Variants in PTPRD observed in about 807,000 individuals in gnomAD.
The protein encoded by PTPRD is protein tyrosine phosphatase receptor type D.
A neutral mutation model predicts 214.5 loss-of-function variants in PTPRD; 34 were observed. The ratio of observed to expected loss-of-function variants is 0.16; its 90% CI spans 0.12 to 0.21. The LOEUF is 0.21. Among genes scored for constraint, PTPRD ranks in the 10% least tolerant of loss-of-function variants. The pLI, the probability that PTPRD is intolerant of heterozygous loss-of-function variation, is 1.00. For missense variants in PTPRD, 2,545 were observed against 2,398.7 expected, an observed-to-expected ratio of 1.06 and a Z score of -1.27; for synonymous variants, 1,128 against 845.7, an observed-to-expected ratio of 1.33 and a Z score of -5.79.
chr9:9,977,454 TAA>T (rs1266708582), intron 4 of PTPRD, among the ~76,000 whole-genome samples: 1 of 152,188 alleles, frequency 6.6e-6, no homozygotes, highest in Non-Finnish European at 1.5e-5. Context: ...GATCTATGTT[TAA>T]GTTTTTAATG....
chr9:10,421,396 C>T (rs548939417), intron 2 of PTPRD, among the ~76,000 whole-genome samples: 12 of 151,938 alleles, frequency 7.9e-5, no homozygotes, highest in South Asian at 6.2e-4. Flanking sequence ...AGCAAGGTTC[C>T]GTTGATGAAA....
chr9:8,590,708 T>A (rs1280637204), intron 14 of PTPRD, among the ~76,000 whole-genome samples: 1 of 152,142 alleles, frequency 6.6e-6, no homozygotes, highest in Non-Finnish European at 1.5e-5. Flanking sequence ...CACAAAGGCA[T>A]ATGGATAGTA....
intron 2 of PTPRD, among the ~76,000 whole-genome samples, chr9:10,546,744 C>T (rs1336393440): frequency 6.6e-6 from 1 of 151,906 alleles, no homozygotes; most frequent in East Asian, 1.9e-4. Flanking sequence ...AGGGTTCTAG[C>T]AACATATAAA....
intron 12 of PTPRD, among the ~76,000 whole-genome samples, chr9:8,654,579 T>C (rs2096873755): frequency 6.6e-6 from 1 of 152,226 alleles, no homozygotes; most frequent in Non-Finnish European, 1.5e-5. Flanking sequence ...AATCATTATA[T>C]ATACATGTAA....
At chr9:8,988,876 C>G (rs1222722213) in intron 11 of PTPRD, among the ~76,000 whole-genome samples, 4 of 152,004 alleles carry the variant, frequency 2.6e-5, no homozygotes, top group Admixed American at 2.6e-4. Flanking sequence ...TAATGTCAGT[C>G]CTTAGAGATA....
At chr9:8,554,745 A>G (rs1373021670) in intron 14 of PTPRD, among the ~76,000 whole-genome samples, 2 of 152,198 alleles carry the variant, frequency 1.3e-5, no homozygotes, top group East Asian at 3.8e-4. Context: ...GTTTATTTTG[A>G]CCTGTTGGTC....
chr9:8,486,439 T>C (rs756360357), intron 27 of PTPRD, 90 bp from the exon 28 acceptor site: 1 of 1,119,038 alleles, frequency 8.9e-7, no homozygotes, highest in Non-Finnish European at 1.4e-6. Context: ...ACTCTACTGG[T>C]ATTCCCATTT....
intron 12 of PTPRD, among the ~76,000 whole-genome samples, chr9:8,673,966 G>C (rs970840299): frequency 6.6e-6 from 1 of 152,062 alleles, no homozygotes; most frequent in East Asian, 1.9e-4. Context: ...GTCTCCAAAC[G>C]TTACCAAATA....
At chr9:9,313,909 G>A (rs1356963561) in intron 9 of PTPRD, among the ~76,000 whole-genome samples, 2 of 152,076 alleles carry the variant, frequency 1.3e-5, no homozygotes, top group Non-Finnish European at 2.9e-5. Context: ...ACACAAGCAT[G>A]CACATGTGGA....
chr9:10,421,090 A>T (rs2098541093), intron 2 of PTPRD, among the ~76,000 whole-genome samples: 1 of 151,878 alleles, frequency 6.6e-6, no homozygotes, highest in African/African-American at 2.4e-5. Flanking sequence ...AAAAGCAAAA[A>T]AATCTCATAA....
intron 10 of PTPRD, among the ~76,000 whole-genome samples, chr9:9,108,212 T>C (rs1388805583): frequency 1.3e-5 from 2 of 152,162 alleles, no homozygotes; most frequent in Non-Finnish European, 2.9e-5. Context: ...AATTAAGTAT[T>C]CTCTCCCCAG....
chr9:9,434,869 T>A (rs1303494121), intron 8 of PTPRD, among the ~76,000 whole-genome samples: 1 of 148,468 alleles, frequency 6.7e-6, no homozygotes, highest in East Asian at 1.9e-4. Context: ...TAATCTATAA[T>A]ATATATTGTT....
At chr9:8,456,486 G>A (rs887869532) in intron 33 of PTPRD, among the ~76,000 whole-genome samples, 2 of 152,144 alleles carry the variant, frequency 1.3e-5, no homozygotes, top group South Asian at 2.1e-4. Flanking sequence ...AACCTAGGGA[G>A]GGCCTACTCA....
At chr9:9,757,238 A>G (rs1268536304) in intron 6 of PTPRD, among the ~76,000 whole-genome samples, 1 of 152,160 alleles carries the variant, frequency 6.6e-6, no homozygotes, top group African/African-American at 2.4e-5. Flanking sequence ...GCTTGAAAAC[A>G]TTTAATATTT....
intron 9 of PTPRD, among the ~76,000 whole-genome samples, chr9:9,269,987 A>T (rs1314928098): frequency 6.7e-6 from 1 of 150,272 alleles, no homozygotes; most frequent in East Asian, 2.0e-4. Flanking sequence ...AATTAATAAA[A>T]TTAATAATTT....
rs150542757 is a variant in PTPRD, at chr9:9,112,366, C to G, written c.-143+70938G>C. Among the ~76,000 whole-genome samples the G allele has an allele frequency of 3.5e-3, 532 of 152,262 alleles. 4 individuals are homozygous for G. The highest frequency in any genetic ancestry group is 0.012 in the African/African-American group (501 of 41,570). ...AGACACTTCTTAATTTTCCCCTCCT[C>G]TCCAGCCTCTAACATTCCTCATGAA... On this transcript the variant is annotated intron_variant, in intron 10 of 45. Transcript: ENST00000381196.
chr9:8,519,686 G>A (rs182013631), intron 20 of PTPRD, among the ~76,000 whole-genome samples: 13 of 152,292 alleles, frequency 8.5e-5, no homozygotes, highest in Non-Finnish European at 1.8e-4. Context: ...CTGAATAAAT[G>A]AGTCAGCACC....
chr9:8,896,116 A>G (rs558549801), intron 11 of PTPRD, among the ~76,000 whole-genome samples: 1 of 152,338 alleles, frequency 6.6e-6, no homozygotes, highest in Admixed American at 6.5e-5. Flanking sequence ...AGGGAATACT[A>G]CTGTGAGCAG....
intron 9 of PTPRD, among the ~76,000 whole-genome samples, chr9:9,266,354 A>G (rs1939666872): frequency 6.6e-6 from 1 of 151,392 alleles, no homozygotes; most frequent in South Asian, 2.1e-4. Flanking sequence ...GATCACCCAG[A>G]CAAAAAGTGA....
Sources: gnomAD v4.1 joint callset for allele counts (sites outside exome capture counted in the v4.1 genomes callset) on GRCh38, gnomAD v4.1.1 for gene constraint, MANE v1.5 for transcripts, NCBI Gene and HGNC (gene_info 2026-07-23, HGNC 2026-07-21) for gene names.